The following LRRC43 variants were observed in gnomAD, a reference collection of about 807,000 sequenced individuals.
The protein encoded by LRRC43 is leucine rich repeat containing 43.
Under a neutral mutation model 64.3 loss-of-function variants are expected in LRRC43, and 62 were observed. The observed-to-expected ratio is 0.96, with a 90% CI of 0.79 to 1.19. The LOEUF (loss-of-function observed/expected upper bound fraction) is 1.19. Among genes scored for constraint, LRRC43 ranks in the 50% most tolerant of loss-of-function variants. The probability of loss-of-function intolerance (pLI) is 0.00; values close to 1 mark genes in which losing one functional copy is unlikely to be tolerated. For synonymous variants in LRRC43, 422 were observed against 382.3 expected (o/e 1.10, Z -1.21); for missense variants, 868 against 845.0 (o/e 1.03, Z -0.34).
At chr12:122,188,630 G>A (rs377398245) in intron 4 of LRRC43, among the ~76,000 whole-genome samples, 42 of 151,632 alleles carry the variant, frequency 2.8e-4, no homozygotes, top group South Asian at 2.5e-3. Context: ...TAGTAGAGAC[G>A]GGGTTTCACC....
chr12:122,184,529 G>A lies in LRRC43; in HGVS notation c.161G>A (p.Arg54His), dbSNP rs748399342. Reference protein sequence around the residue: ...PCGAGSWNKSRFLPQTWRTWR... With the variant: ...PCGAGSWNKSHFLPQTWRTWR... ...CCTCTGCCACTGCAGAATAAGTCGC[G>A]CTTTCTTCCTCAAACTTGGCGAACT... is the stretch of plus-strand genomic sequence containing the variant. Residue 54 changes from arginine to histidine, a missense_variant, in exon 2 of 12, where the codon CGC becomes CAC. By Grantham distance (29) the Arg-to-His change is conservative (BLOSUM62 0). Transcript: ENST00000339777. The surrounding 1 kb of genome is among the most constrained non-coding windows in gnomAD (Gnocchi z 4.0). The A allele has an allele frequency of 1.3e-5, 21 of 1,613,144 alleles. No homozygotes were observed. Among genetic ancestry groups the A allele is most frequent in the Middle Eastern group, 1.6e-4 (1 of 6,080 alleles).
rs888986576 is a variant in LRRC43, at chr12:122,201,264, T to G, written c.1810-32T>G. On this transcript the variant is annotated intron_variant, in intron 10 of 11. Transcript: ENST00000339777. ...CTTCTCTAGTACCTCCCCTCTCCAGTAAGCATCTCGTTTTGTGGTTCTTTC... is the reference window on the plus strand; with the variant it reads ...CTTCTCTAGTACCTCCCCTCTCCAGGAAGCATCTCGTTTTGTGGTTCTTTC... The G allele has an allele frequency of 6.2e-6, 10 of 1,612,868 alleles. No individual in the cohort carries two copies. The South Asian group carries it at 1.1e-4, about 18-fold the overall frequency.
chr12:122,186,278 C>T lies in LRRC43; in HGVS notation c.500C>T (p.Thr167Ile), dbSNP rs138068954. Residue 167 changes from threonine to isoleucine, a missense_variant, in exon 3 of 12, where the codon ACC (threonine) becomes ATC (isoleucine). Transcript: ENST00000339777. The stretch of plus-strand genomic sequence containing the variant: ...AATCGAATCAAGGAGGTGGATGCCA[C>T]CAATCTGCCCCCCACACTCAAGGTG... Reference protein sequence around the residue: ...SANRIKEVDATNLPPTLKVLE... With the variant: ...SANRIKEVDAINLPPTLKVLE... 2.1e-4 allele frequency: 336 copies of T among 1,601,256 alleles called. 3 individuals carry two copies. In the African/African-American group the frequency reaches 3.8e-3, roughly 18 times the overall value.
At chr12:122,195,304 C>T (rs1020193263) in intron 7 of LRRC43, among the ~76,000 whole-genome samples, 6 of 151,626 alleles carry the variant, frequency 4.0e-5, no homozygotes, top group African/African-American at 7.3e-5. Context: ...GGTGGAGTGC[C>T]GTGGCTGGAT....
chr12:122,192,991 T>TGCCCGTCCCC lies in LRRC43; in HGVS notation c.1337_1346dup (p.Gly450ProfsTer17). The TGCCCGTCCCC allele has an allele frequency of 6.2e-7, 1 of 1,613,682 alleles. No homozygotes were observed. The highest frequency in any genetic ancestry group is 8.5e-7 in the Non-Finnish European group (1 of 1,179,834). On this transcript the variant is annotated frameshift_variant, in exon 7 of 12. Transcript: ENST00000339777. LOFTEE classifies it high-confidence loss of function. ...GAGGCTGCGTATAGATCCCCGGCTC[T>TGCCCGTCCCC]GCCCGTCCCCAGGGTAAGGATGGAA...
Position 122,200,831 on chromosome 12 carries a change from T to C in LRRC43, c.1706T>C (p.Leu569Pro). 6.2e-7 allele frequency: 1 copy of C among 1,613,174 alleles called. No individual in the cohort carries two copies. Among genetic ancestry groups the C allele is most frequent in the Non-Finnish European group, 8.5e-7 (1 of 1,179,990 alleles). ...PPILQVLGRG[L>P]VILEPLLAGE... Reference sequence around the variant, plus strand: ...ATCCTCCAGGTGCTGGGCCGGGGCCTGGTGATCCTGGAGCCCCTGCTCGCC... The same window carrying C: ...ATCCTCCAGGTGCTGGGCCGGGGCCCGGTGATCCTGGAGCCCCTGCTCGCC... Residue 569 changes from leucine (L) to proline (P), a missense_variant, in exon 10 of 12, where the codon CTG becomes CCG. Leu to Pro is a moderately conservative substitution (Grantham distance 98). Transcript: ENST00000339777. This position sits in a 1 kb window ranked among gnomAD's most constrained non-coding sequence, Gnocchi z 4.6.
chr12:122,188,448 T>TA (rs367615275), intron 4 of LRRC43, among the ~76,000 whole-genome samples: 5,325 of 151,430 alleles, frequency 0.035, 324 homozygotes, highest in African/African-American at 0.12. Context: ...TTTTTTATTT[T>TA]AATTTTTTTT....
At chr12:122,167,746 T>A (rs962366106) in exon 1 of LRRC43, 1 of 151,964 alleles carries the variant, frequency 6.6e-6, no homozygotes, top group African/African-American at 2.4e-5. Context: ...TCCAATGAGG[T>A]CGCCACTAGC....
chr12:122,191,685 C>T (rs545156067), intron 6 of LRRC43, 118 bp downstream of exon 6: 36 of 794,374 alleles, frequency 4.5e-5, no homozygotes, highest in African/African-American at 4.1e-4. Context: ...GGAGGAGTCT[C>T]GCTCTGTCAC....
chr12:122,200,878 G>T lies in LRRC43; in HGVS notation c.1753G>T (p.Val585Leu), dbSNP rs202116628. The T allele has an allele frequency of 1.1e-5, 17 of 1,612,764 alleles. No homozygotes were observed. The highest frequency in any genetic ancestry group is 1.3e-5 in the African/African-American group (1 of 74,936). ...CGCCGGGGAGCCCCTGGTGTCCACC[G>T]TGTGCAACTTCGGCGTGGTCCGCAC... is the stretch of plus-strand genomic sequence containing the variant. ...LLAGEPLVST[V>L]CNFGVVRTLT... is the part of the protein sequence containing the mutation. The change falls in exon 10 of 12, where the codon GTG becomes TTG. Residue 585 changes from valine (V) to leucine (L), a missense_variant. Transcript: ENST00000339777. This position sits in a 1 kb window ranked among gnomAD's most constrained non-coding sequence, Gnocchi z 4.6.
intron 1 of LRRC43, chr12:122,173,908 G>A (rs750514098): frequency 1.2e-6 from 2 of 1,613,908 alleles, no homozygotes; most frequent in African/African-American, 1.3e-5. Flanking sequence ...ATCATCACTT[G>A]GTCGTAGTAA....
chr12:122,203,174 T>G, intron 11 of LRRC43, 141 bp from the exon 12 acceptor site: 5 of 721,512 alleles, frequency 6.9e-6, no homozygotes, highest in Non-Finnish European at 1.1e-5. Flanking sequence ...TTTTATTTCT[T>G]ATTACTGTTA....
chr12:122,169,715 C>CA (rs1156784202), intron 1 of LRRC43, among the ~76,000 whole-genome samples: 1,065 of 48,382 alleles, frequency 0.022, 17 homozygotes, highest in East Asian at 0.031. Context: ...GACTCCGTCT[C>CA]AAAAAAAAAA....
chr12:122,198,790 C>T (rs780103694), intron 7 of LRRC43, among the ~76,000 whole-genome samples: 3 of 149,962 alleles, frequency 2.0e-5, no homozygotes, highest in Non-Finnish European at 4.4e-5. Context: ...CCAGCACACC[C>T]GGCTAATTTT....
intron 1 of LRRC43, among the ~76,000 whole-genome samples, chr12:122,170,480 A>C (rs1457040635): frequency 2.0e-5 from 3 of 152,004 alleles, no homozygotes; most frequent in African/African-American, 7.2e-5. Flanking sequence ...AAATACAAAA[A>C]ATTAGCCGGG....
intron 2 of LRRC43, among the ~76,000 whole-genome samples, chr12:122,185,337 T>C (rs1953631184): frequency 1.3e-5 from 2 of 152,012 alleles, no homozygotes; most frequent in South Asian, 4.1e-4. Context: ...TAGCCAGGTA[T>C]GGTGGTGCAC....
chr12:122,172,757 A>G (rs1307404866), intron 1 of LRRC43: 3 of 1,585,516 alleles, frequency 1.9e-6, no homozygotes, highest in Non-Finnish European at 8.6e-7. Context: ...GAATGAGGAG[A>G]AATGGTCAGT....
At chr12:122,176,796 A>G (rs1953540756) in intron 1 of LRRC43, among the ~76,000 whole-genome samples, 1 of 152,020 alleles carries the variant, frequency 6.6e-6, no homozygotes, top group African/African-American at 2.4e-5. Context: ...CTGGGATCAC[A>G]GGCATGTACC....
At chr12:122,176,323 G>A (rs1953536692) in intron 1 of LRRC43, among the ~76,000 whole-genome samples, 1 of 152,122 alleles carries the variant, frequency 6.6e-6, no homozygotes, top group South Asian at 2.1e-4. Flanking sequence ...CCTAGAACGG[G>A]AAGAGGGTCA....
Sources: gnomAD v4.1 joint callset for allele counts (sites outside exome capture counted in the v4.1 genomes callset) on GRCh38, gnomAD v4.1.1 for gene constraint, Gnocchi (gnomAD v3.1) non-coding constraint, MANE v1.5 for transcripts, NCBI Gene and HGNC (gene_info 2026-07-23, HGNC 2026-07-21) for gene names.